GRIK2: variants seen among roughly 807,000 people sequenced by gnomAD.
GRIK2 encodes the protein glutamate ionotropic receptor kainate type subunit 2.
GRIK2 carries 32 observed loss-of-function variants against 100.3 expected under a neutral mutation model. The ratio of observed to expected loss-of-function variants is 0.32; its 90% CI spans 0.24 to 0.43. The LOEUF (loss-of-function observed/expected upper bound fraction) is 0.43, where lower values mean the gene tolerates loss of function less well. GRIK2 is among the 20% of genes least tolerant of loss of function. GRIK2 has a pLI of 1.00. For synonymous variants in GRIK2, 417 were observed against 389.4 expected (o/e 1.07, Z -0.83); for missense variants, 843 against 1,114.9 (o/e 0.76, Z 3.47).
At chr6:101,465,070 T>C (rs1414224726) in intron 2 of GRIK2, among the ~76,000 whole-genome samples, 2 of 152,154 alleles carry the variant, frequency 1.3e-5, no homozygotes, top group Admixed American at 6.5e-5. Context: ...AAGCGAAGGA[T>C]CTTGACTTTC....
intron 2 of GRIK2, among the ~76,000 whole-genome samples, chr6:101,460,153 A>G (rs1771226307): frequency 6.6e-6 from 1 of 152,118 alleles, no homozygotes; most frequent in Admixed American, 6.5e-5. Flanking sequence ...GTGCCACGAC[A>G]GTGTCAAAGC....
chr6:101,659,799 C>T (rs1769472846), intron 4 of GRIK2, among the ~76,000 whole-genome samples: 1 of 152,136 alleles, frequency 6.6e-6, no homozygotes, highest in African/African-American at 2.4e-5. Context: ...ATATTGGCCC[C>T]CACTCTCTTC....
intron 2 of GRIK2, among the ~76,000 whole-genome samples, chr6:101,592,586 C>CATATATATATATATATATATATATAT (rs1491243587): frequency 1.9e-5 from 1 of 53,396 alleles, no homozygotes; most frequent in African/African-American, 8.2e-5. Flanking sequence ...TTACTAATAT[C>CATATATATATATATATATATATATAT]ACATATATAT....
intron 2 of GRIK2, among the ~76,000 whole-genome samples, chr6:101,619,848 G>A (rs1780063524): frequency 2.6e-5 from 4 of 152,058 alleles, no homozygotes; most frequent in Admixed American, 6.6e-5. Context: ...ACAGGCAAGG[G>A]TTTTGAAGTC....
rs149533161 is a variant in GRIK2 at position 101,964,567 on chromosome 6, C to T, written c.2085+35935C>T. ...TCTCAAACCCGTGACCAGGGGGTCT[C>T]GCACACAGGAAAGGTGTTTATATTG... On this transcript the variant is annotated intron_variant, in intron 14 of 16. Transcript: ENST00000369134. 7.8e-3 allele frequency among the ~76,000 whole-genome samples: 1,183 copies of T among 152,190 alleles called. 18 individuals carry two copies. Among genetic ancestry groups the T allele is most frequent in the African/African-American group, 0.027 (1,129 of 41,524 alleles).
chr6:101,450,652 A>G (rs1413601284), intron 2 of GRIK2, among the ~76,000 whole-genome samples: 1 of 151,674 alleles, frequency 6.6e-6, no homozygotes, highest in Non-Finnish European at 1.5e-5. Flanking sequence ...TACATAATAG[A>G]GTTCATCCTT....
chr6:101,455,095 T>G, intron 2 of GRIK2, among the ~76,000 whole-genome samples: 1 of 152,002 alleles, frequency 6.6e-6, no homozygotes, highest in East Asian at 1.9e-4. Context: ...AAACTATTAT[T>G]TTGGGGAGTC....
At chr6:101,815,520 A>G (rs1434643816) in intron 9 of GRIK2, among the ~76,000 whole-genome samples, 3 of 152,144 alleles carry the variant, frequency 2.0e-5, no homozygotes, top group South Asian at 2.1e-4. Flanking sequence ...GGTATTATTA[A>G]TGAAAACAGT....
At chr6:101,629,353 T>A (rs1780604191) in intron 4 of GRIK2, among the ~76,000 whole-genome samples, 1 of 152,066 alleles carries the variant, frequency 6.6e-6, no homozygotes, top group South Asian at 2.1e-4. Context: ...ATATTGCTGT[T>A]CCATTTTATG....
chr6:101,891,985 A>G (rs1022612534), intron 12 of GRIK2, among the ~76,000 whole-genome samples: 1 of 152,198 alleles, frequency 6.6e-6, no homozygotes, highest in African/African-American at 2.4e-5. Context: ...AAAACTCTTC[A>G]GCCAGCCCAC....
In GRIK2 at chr6:101,891,328, C is replaced by G. The variant is rs997340210; in HGVS notation, c.1748+1465C>G. ...AGTCAGGAGATTGAGACCATCCTGG[C>G]CAAAATGGTGAAACCCCGTCTTTAC... is the stretch of plus-strand genomic sequence containing the variant. On this transcript the variant is annotated intron_variant, in intron 12 of 16. Coordinates refer to ENST00000369134, the MANE Select transcript of GRIK2 (RefSeq NM_021956.5). 1.4e-4 allele frequency among the ~76,000 whole-genome samples: 21 copies of G among 151,742 alleles called. No homozygotes were observed. The East Asian group carries it at 2.0e-3, about 14-fold the overall frequency.
chr6:101,855,494 C>T (rs9404153), intron 10 of GRIK2, among the ~76,000 whole-genome samples: 16,522 of 152,020 alleles, frequency 0.11, 1,938 homozygotes, highest in East Asian at 0.66. Flanking sequence ...AGAAAACAAC[C>T]ATGTGAAGAT....
chr6:101,830,819 G>T (rs1349169556), intron 10 of GRIK2, among the ~76,000 whole-genome samples: 1 of 151,838 alleles, frequency 6.6e-6, no homozygotes, highest in African/African-American at 2.4e-5. Context: ...ATTTCTCAAA[G>T]AATTAAAAAT....
chr6:102,054,757 AT>A (rs1318853670), intron 15 of GRIK2, among the ~76,000 whole-genome samples: 1 of 152,116 alleles, frequency 6.6e-6, no homozygotes, highest in Non-Finnish European at 1.5e-5. Context: ...CACCATAATG[AT>A]TTTTAAATTA....
intron 16 of GRIK2, among the ~76,000 whole-genome samples, chr6:102,058,251 C>A (rs1771562621): frequency 6.6e-6 from 1 of 151,522 alleles, no homozygotes; most frequent in Non-Finnish European, 1.5e-5. Flanking sequence ...ATATTAAATT[C>A]TTCTTGCTGT....
intron 11 of GRIK2, 109 bp from the exon 12 acceptor site, chr6:101,889,531 C>A (rs900029194): frequency 3.2e-6 from 2 of 632,202 alleles, no homozygotes; most frequent in African/African-American, 1.9e-5. Context: ...AAGTGTAAAG[C>A]CTTTGTTTTA....
intron 11 of GRIK2, among the ~76,000 whole-genome samples, chr6:101,884,624 A>T (rs1786489746): frequency 6.6e-6 from 1 of 152,120 alleles, no homozygotes; most frequent in Non-Finnish European, 1.5e-5. Context: ...GCTATTAGTT[A>T]TGTAACTCTG....
chr6:101,397,701 G>A (rs117153134), intron 1 of GRIK2, among the ~76,000 whole-genome samples: 4,922 of 152,042 alleles, frequency 0.032, 88 homozygotes, highest in Non-Finnish European at 0.046. Flanking sequence ...ATAGCAAGTC[G>A]AATATTCATA....
chr6:101,880,602 A>G (rs1218659218), intron 11 of GRIK2, among the ~76,000 whole-genome samples: 1 of 152,096 alleles, frequency 6.6e-6, no homozygotes, highest in African/African-American at 2.4e-5. Flanking sequence ...ATATATTTAT[A>G]TGAACTCTTT....
Sources: allele counts gnomAD v4.1 joint callset (sites outside exome capture counted in the v4.1 genomes callset), GRCh38; gene constraint gnomAD v4.1.1; transcripts MANE v1.5; gene names NCBI Gene and HGNC (gene_info 2026-07-23, HGNC 2026-07-21).